The following MAGI3 variants were observed in gnomAD, a reference collection of about 807,000 sequenced individuals.
MAGI3 encodes membrane-associated guanylate kinase, WW and PDZ domain-containing protein 3.
In MAGI3, 43 loss-of-function variants were observed where a neutral mutation model predicts 121.8. The ratio of observed to expected loss-of-function variants is 0.35; its 90% CI spans 0.28 to 0.46. The LOEUF (loss-of-function observed/expected upper bound fraction) is 0.46, where lower values mean the gene tolerates loss of function less well. MAGI3 is among the 20% of genes least tolerant of loss of function. The pLI, the probability that MAGI3 is intolerant of heterozygous loss-of-function variation, is 1.00. For missense variants in MAGI3, 1,547 were observed against 1,797.3 expected (o/e 0.86, Z 2.52); for synonymous variants, 553 against 639.3 (o/e 0.86, Z 2.04).
intron 1 of MAGI3, among the ~76,000 whole-genome samples, chr1:113,423,055 C>A (rs978470649): frequency 6.6e-5 from 10 of 152,128 alleles, no homozygotes; most frequent in Admixed American, 5.9e-4. Context: ...GTGTTACATA[C>A]CCCTTTGGCT....
chr1:113,429,471 C>A (rs1007931914), intron 1 of MAGI3, among the ~76,000 whole-genome samples: 1 of 152,128 alleles, frequency 6.6e-6, no homozygotes, highest in African/African-American at 2.4e-5. Flanking sequence ...AGTTTAAATA[C>A]CCTCTAGAGG....
intron 1 of MAGI3, among the ~76,000 whole-genome samples, chr1:113,512,866 T>C (rs12409184): frequency 0.2 from 29,687 of 152,136 alleles, 3,652 homozygotes; most frequent in South Asian, 0.4. Context: ...TGATAGTATA[T>C]CTAGAAAACC....
In MAGI3 at chr1:113,593,021, C is replaced by G. The variant is rs966419971; in HGVS notation, c.939-1460C>G. Among the ~76,000 whole-genome samples the G allele has an allele frequency of 2.6e-5, 4 of 152,026 alleles. No homozygotes were observed. The East Asian group carries it at 7.8e-4, about 30-fold the overall frequency. ...AGTGAGACTCTGTCTCAAAAACAAACAAACAAACAAAAAAGTGTTTCTATC... is the reference window on the plus strand; with the variant it reads ...AGTGAGACTCTGTCTCAAAAACAAAGAAACAAACAAAAAAGTGTTTCTATC... On this transcript the variant is annotated intron_variant, in intron 5 of 20. Coordinates refer to ENST00000307546, the MANE Select transcript of MAGI3 (RefSeq NM_001142782.2).
intron 1 of MAGI3, among the ~76,000 whole-genome samples, chr1:113,442,305 T>C (rs1312385268): frequency 6.6e-6 from 1 of 152,304 alleles, no homozygotes; most frequent in African/African-American, 2.4e-5. Flanking sequence ...AGCTGTGCAC[T>C]AACAAAATGA....
intron 6 of MAGI3, among the ~76,000 whole-genome samples, chr1:113,600,764 G>A (rs1270499500): frequency 6.6e-6 from 1 of 152,172 alleles, no homozygotes; most frequent in Non-Finnish European, 1.5e-5. Flanking sequence ...GCATTGCCAA[G>A]TCAATCCTAA....
chr1:113,607,336 C>T (rs1040851909), intron 6 of MAGI3, among the ~76,000 whole-genome samples: 2 of 152,076 alleles, frequency 1.3e-5, no homozygotes, highest in Non-Finnish European at 2.9e-5. Flanking sequence ...GGATGAGACA[C>T]CTTTGCTCTT....
intron 7 of MAGI3, among the ~76,000 whole-genome samples, chr1:113,619,347 C>T (rs978806774): frequency 2.6e-5 from 4 of 152,134 alleles, no homozygotes; most frequent in Admixed American, 2.6e-4. Context: ...GCCTTTACAG[C>T]TTGCTTCATT....
chr1:113,579,374 A>T (rs1377077255), intron 2 of MAGI3, among the ~76,000 whole-genome samples: 1 of 152,194 alleles, frequency 6.6e-6, no homozygotes, highest in Admixed American at 6.6e-5. Context: ...GAGTGAAAGG[A>T]ACATTAAAAT....
intron 9 of MAGI3, among the ~76,000 whole-genome samples, chr1:113,623,722 C>T (rs1359009204): frequency 2.2e-4 from 33 of 152,116 alleles, no homozygotes; most frequent in Admixed American, 1.1e-3. Context: ...CTCCTGACCT[C>T]GTGATCCGCC....
intron 1 of MAGI3, among the ~76,000 whole-genome samples, chr1:113,436,864 A>G (rs1426357144): frequency 7.5e-6 from 1 of 133,554 alleles, no homozygotes; most frequent in African/African-American, 2.9e-5. Flanking sequence ...CCCAGGCTGG[A>G]GTGCAGTGGC....
At chr1:113,441,292 C>G (rs555026628) in intron 1 of MAGI3, among the ~76,000 whole-genome samples, 1 of 152,094 alleles carries the variant, frequency 6.6e-6, no homozygotes, top group African/African-American at 2.4e-5. Flanking sequence ...TGGAGCCTTC[C>G]ACAATTATTA....
intron 2 of MAGI3, among the ~76,000 whole-genome samples, chr1:113,573,146 C>T (rs1012624656): frequency 7.9e-5 from 12 of 152,106 alleles, no homozygotes; most frequent in African/African-American, 2.2e-4. Context: ...AGGATGGTCT[C>T]GATCTCCTGA....
At chr1:113,464,346 T>G (rs1655173076) in intron 1 of MAGI3, among the ~76,000 whole-genome samples, 1 of 152,194 alleles carries the variant, frequency 6.6e-6, no homozygotes, top group Middle Eastern at 3.2e-3. Flanking sequence ...TTTTTGTAGC[T>G]GAACATTATT....
intron 14 of MAGI3, among the ~76,000 whole-genome samples, chr1:113,652,553 A>ATGT (rs1300094860): frequency 6.6e-6 from 1 of 152,054 alleles, no homozygotes; most frequent in African/African-American, 2.4e-5. Flanking sequence ...TAAAATTGTG[A>ATGT]TGTTATACAA....
chr1:113,573,114 A>C (rs1647412343), intron 2 of MAGI3, among the ~76,000 whole-genome samples: 1 of 152,090 alleles, frequency 6.6e-6, no homozygotes, highest in Non-Finnish European at 1.5e-5. Context: ...TTTAGTAGAG[A>C]CAGGGTTTCA....
chr1:113,487,611 G>T (rs1656448955), intron 1 of MAGI3, among the ~76,000 whole-genome samples: 1 of 151,912 alleles, frequency 6.6e-6, no homozygotes, highest in East Asian at 1.9e-4. Context: ...TTATGTTTGT[G>T]ATATATTGCA....
chr1:113,554,478 A>G (rs534924738), intron 2 of MAGI3, among the ~76,000 whole-genome samples: 1 of 151,874 alleles, frequency 6.6e-6, no homozygotes, highest in Non-Finnish European at 1.5e-5. Context: ...CCAGATGACA[A>G]TGGGGAGGGG....
At chr1:113,597,241 T>C (rs1649075452) in intron 6 of MAGI3, among the ~76,000 whole-genome samples, 2 of 152,184 alleles carry the variant, frequency 1.3e-5, no homozygotes, top group East Asian at 1.9e-4. Flanking sequence ...ATGGTTCTAT[T>C]TGTATGAAAT....
chr1:113,512,602 A>C (rs1657672880), intron 1 of MAGI3, among the ~76,000 whole-genome samples: 3 of 152,174 alleles, frequency 2.0e-5, no homozygotes, highest in African/African-American at 7.2e-5. Context: ...ATGAGGCAAA[A>C]CATTTGTACC....
Sources: gnomAD v4.1 joint callset for allele counts (sites outside exome capture counted in the v4.1 genomes callset) on GRCh38, gnomAD v4.1.1 for gene constraint, MANE v1.5 for transcripts, NCBI Gene and HGNC (gene_info 2026-07-23, HGNC 2026-07-21) for gene names.